SUSD1: variants seen among roughly 807,000 people sequenced by gnomAD.
SUSD1 encodes the protein sushi domain containing 1.
In SUSD1, 65 loss-of-function variants were observed where a neutral mutation model predicts 86.9. That is an observed-to-expected ratio of 0.75 (90% CI 0.61 to 0.92). The LOEUF is 0.92. SUSD1 is among the 40% of genes least tolerant of loss of function. The pLI, the probability that SUSD1 is intolerant of heterozygous loss-of-function variation, is 0.00. For synonymous variants in SUSD1, 346 were observed against 350.0 expected, an observed-to-expected ratio of 0.99 and a Z score of 0.13; for missense variants, 850 against 929.7, an observed-to-expected ratio of 0.91 and a Z score of 1.11.
intron 1 of SUSD1, among the ~76,000 whole-genome samples, chr9:112,170,052 G>A (rs1840689762): frequency 6.6e-6 from 1 of 152,064 alleles, no homozygotes; most frequent in Admixed American, 6.6e-5. Flanking sequence ...AGACTACTTG[G>A]GATTTTGAGC....
At chr9:112,048,019 G>A (rs1828030607) in intron 15 of SUSD1, among the ~76,000 whole-genome samples, 1 of 152,122 alleles carries the variant, frequency 6.6e-6, no homozygotes, top group Admixed American at 6.5e-5. Flanking sequence ...CTGCAGCCAG[G>A]CCTTGCTCAG....
rs1589562479 is a variant in SUSD1 at position 112,041,935 on chromosome 9, C to T, written c.2175G>A (p.Met725Ile). 1 of 1,614,076 alleles carries T rather than the reference C, an allele frequency of 6.2e-7. No individual in the cohort carries two copies. Among genetic ancestry groups the T allele is most frequent in the Non-Finnish European group, 8.5e-7 (1 of 1,179,976 alleles). Reference protein sequence around the residue: ...VKDSSLMLLQMAGVGLGSLAV... With the variant: ...VKDSSLMLLQIAGVGLGSLAV... ...CCAGGGAACCCAGTCCAACACCCGC[C>T]ATCTGCAGCAGCATGAGTGACGAAT... Residue 725 changes from methionine (M) to isoleucine (I), a missense_variant, in exon 16 of 17, where the codon ATG becomes ATA. Transcript: ENST00000374270.
intron 15 of SUSD1, among the ~76,000 whole-genome samples, chr9:112,048,187 A>G (rs1828036677): frequency 6.6e-6 from 1 of 152,208 alleles, no homozygotes; most frequent in African/African-American, 2.4e-5. Flanking sequence ...TGATTAGGTC[A>G]AGCCTATCTG....
At chr9:112,108,774 C>CAAAAAAAAAAAA (rs11312103) in intron 8 of SUSD1, among the ~76,000 whole-genome samples, 34 of 68,564 alleles carry the variant, frequency 5.0e-4, no homozygotes, top group African/African-American at 7.3e-4. Context: ...CTGGGTGTCT[C>CAAAAAAAAAAAA]AAAAAAAAAA....
chr9:112,165,930 G>C (rs1165687120), intron 1 of SUSD1, among the ~76,000 whole-genome samples: 1 of 100,570 alleles, frequency 9.9e-6, no homozygotes, highest in East Asian at 2.6e-4. Flanking sequence ...AGAAAAGAAA[G>C]AAAGAAAGAA....
At chr9:112,116,858 G>A (rs1831346248) in intron 6 of SUSD1, among the ~76,000 whole-genome samples, 1 of 152,078 alleles carries the variant, frequency 6.6e-6, no homozygotes, top group Non-Finnish European at 1.5e-5. Context: ...AGCCTTCCAA[G>A]GCCAGGCACA....
At chr9:112,165,890 AAAG>A (rs1833773742) in intron 1 of SUSD1, among the ~76,000 whole-genome samples, 1 of 44,792 alleles carries the variant, frequency 2.2e-5, no homozygotes, top group South Asian at 7.5e-4. Flanking sequence ...AAAGAAAAAG[AAAG>A]AAAGAAAGGA....
At chr9:112,103,309 T>C (rs1301706259) in intron 8 of SUSD1, 1 of 311,974 alleles carries the variant, frequency 3.2e-6, no homozygotes, top group Non-Finnish European at 6.3e-6. Context: ...AAGATGGTTA[T>C]GAGAGAGAAT....
At chr9:112,158,922 A>T (rs986315353) in intron 1 of SUSD1, among the ~76,000 whole-genome samples, 1 of 152,156 alleles carries the variant, frequency 6.6e-6, no homozygotes, top group Non-Finnish European at 1.5e-5. Flanking sequence ...CTGGATAGAG[A>T]AATCTGAAAT....
intron 2 of SUSD1, among the ~76,000 whole-genome samples, chr9:112,150,027 T>C (rs1832977551): frequency 6.6e-6 from 1 of 152,170 alleles, no homozygotes. Context: ...CATTGAATAA[T>C]ATGAAAGTGA....
intron 12 of SUSD1, among the ~76,000 whole-genome samples, chr9:112,073,089 T>C (rs1829356032): frequency 6.6e-6 from 1 of 152,140 alleles, no homozygotes; most frequent in African/African-American, 2.4e-5. Flanking sequence ...GGACATCCCA[T>C]TGTGGAGGGC....
At chr9:112,122,224 G>A (rs373483807) in intron 6 of SUSD1, among the ~76,000 whole-genome samples, 32 of 152,220 alleles carry the variant, frequency 2.1e-4, no homozygotes, top group African/African-American at 7.5e-4. Context: ...TGGAGTACAG[G>A]GATGTGATCT....
intron 8 of SUSD1, among the ~76,000 whole-genome samples, chr9:112,109,303 A>T (rs1188270672): frequency 1.3e-5 from 2 of 152,218 alleles, no homozygotes; most frequent in African/African-American, 4.8e-5. Flanking sequence ...GGGAAAAACA[A>T]TGGAAAACTT....
chr9:112,127,364 C>T (rs1182076645), intron 5 of SUSD1, among the ~76,000 whole-genome samples: 3 of 152,160 alleles, frequency 2.0e-5, no homozygotes, highest in Admixed American at 6.5e-5. Flanking sequence ...CAGAGTGAGA[C>T]TCCATCTCAA....
chr9:112,158,633 C>T (rs1485241845), intron 1 of SUSD1, among the ~76,000 whole-genome samples: 4 of 152,152 alleles, frequency 2.6e-5, no homozygotes, highest in Non-Finnish European at 1.5e-5. Context: ...CTTGAGGGAT[C>T]CACTGGCCTC....
At chr9:112,166,948 C>T (rs1833852466) in intron 1 of SUSD1, among the ~76,000 whole-genome samples, 5 of 152,204 alleles carry the variant, frequency 3.3e-5, no homozygotes, top group Admixed American at 3.3e-4. Flanking sequence ...GCTAAGGCTG[C>T]TGAGCTAGCT....
rs1436590311 is a variant in SUSD1 at position 112,058,657 on chromosome 9, G to C, written c.1880C>G (p.Ala627Gly). The stretch of plus-strand genomic sequence containing the variant: ...ATCACAAGAAAATGTGCTTTGGAGG[G>C]CCAGGGGAAGCACTAACACCTGATA... The part of the protein sequence containing the change: ...SSYQVLVLPL[A>G]LQSTFSCDSE... Residue 627 changes from alanine (A) to glycine (G), a missense_variant, in exon 14 of 17, where the codon GCC becomes GGC. Ala to Gly is a moderately conservative substitution (Grantham distance 60). Coordinates refer to ENST00000374270, the MANE Select transcript of SUSD1 (RefSeq NM_022486.5). The C allele has an allele frequency of 6.2e-7, 1 of 1,614,162 alleles. No individual in the cohort carries two copies. Among genetic ancestry groups the C allele is most frequent in the Non-Finnish European group, 8.5e-7 (1 of 1,180,026 alleles).
intron 13 of SUSD1, among the ~76,000 whole-genome samples, chr9:112,062,504 G>T (rs1445041229): frequency 1.3e-5 from 2 of 152,128 alleles, no homozygotes; most frequent in Admixed American, 6.5e-5. Context: ...AGACCAGCCT[G>T]ACCAACATGG....
rs1564295729 is a variant in SUSD1, at chr9:112,102,231, GT to G, written c.1225del (p.Thr409LeufsTer3). On this transcript the variant is annotated frameshift_variant, in exon 9 of 17. Coordinates refer to ENST00000374270, the MANE Select transcript of SUSD1 (RefSeq NM_022486.5). LOFTEE classifies it high-confidence loss of function. ...GSFNISIFNE[T>X]CLKLNRRSRK... ...AGAACGCCTGTTCAATTTCAAACAA[GT>G]TTCATTAAATATTGAAATATTGAAA... The G allele has an allele frequency of 1.2e-5, 19 of 1,603,506 alleles. No individual in the cohort carries two copies. The highest frequency in any genetic ancestry group is 1.6e-5 in the Non-Finnish European group (19 of 1,175,244).
Sources: allele counts gnomAD v4.1 joint callset (sites outside exome capture counted in the v4.1 genomes callset), GRCh38; gene constraint gnomAD v4.1.1; transcripts MANE v1.5; gene names NCBI Gene and HGNC (gene_info 2026-07-23, HGNC 2026-07-21).